The following SMC2 variants were observed in gnomAD, a reference collection of about 807,000 sequenced individuals.
The protein encoded by SMC2 is structural maintenance of chromosomes protein 2.
A neutral mutation model predicts 142.6 loss-of-function variants in SMC2; 41 were observed. The observed-to-expected ratio is 0.29, with a 90% CI of 0.22 to 0.37. The LOEUF is 0.37. Among genes scored for constraint, SMC2 ranks in the 10% least tolerant of loss-of-function variants. SMC2 has a pLI of 1.00. For missense variants in SMC2, 1,265 were observed against 1,373.7 expected (o/e 0.92, Z 1.25); for synonymous variants, 463 against 457.5 (o/e 1.01, Z -0.15).
In SMC2 at chr9:104,095,403, A is replaced by T; in HGVS notation, c.19A>T (p.Ile7Phe). Residue 7 changes from isoleucine (I) to phenylalanine (F), a missense_variant, in exon 2 of 25, where the codon ATT becomes TTT. Transcript: ENST00000374793. Reference protein sequence around the residue: MHIKSIILEGFKSYAQR... With the variant: MHIKSIFLEGFKSYAQR... ...ATCGAAAATGCATATTAAGTCAATT[A>T]TTCTAGAGGGATTCAAGTCCTATGC... 2 of 1,613,336 alleles carry T rather than the reference A, an allele frequency of 1.2e-6. No individual in the cohort carries two copies. Among genetic ancestry groups the T allele is most frequent in the Non-Finnish European group, 1.7e-6 (2 of 1,179,984 alleles).
intron 21 of SMC2, 83 bp from the exon 22 acceptor site, chr9:104,131,926 G>A: frequency 1.4e-6 from 1 of 725,820 alleles, no homozygotes; most frequent in Non-Finnish European, 2.4e-6. Context: ...TAAAAATAAT[G>A]AAAACTGTTT....
At chr9:104,114,370 T>TA (rs1360032042) in intron 12 of SMC2, among the ~76,000 whole-genome samples, 1 of 152,188 alleles carries the variant, frequency 6.6e-6, no homozygotes, top group Non-Finnish European at 1.5e-5. Flanking sequence ...TAATGTTAAA[T>TA]ATCCACATTT....
chr9:104,093,962 A>T (rs4742902), upstream of SMC2, among the ~76,000 whole-genome samples: 3 of 152,128 alleles, frequency 2.0e-5, no homozygotes, highest in African/African-American at 4.8e-5. Context: ...AGTAAGCCAC[A>T]GCCAGCACCG....
chr9:104,091,403 T>TTTTC (rs3086492), upstream of SMC2, among the ~76,000 whole-genome samples: 128,901 of 151,868 alleles, frequency 0.85, 54,789 homozygotes, highest in East Asian at 0.95. Context: ...CAACAGGAAT[T>TTTTC]ATCCATTATA....
chr9:104,126,835 G>T lies in SMC2; in HGVS notation c.2595+51G>T, dbSNP rs6479219. ...AAATTGAAAATGCGAATCTTTTTAT[G>T]AAACATTAGCTTAAGATGTTTGACT... On this transcript the variant is annotated intron_variant, in intron 19 of 24. Transcript: ENST00000374793. The T allele has an allele frequency of 0.016, 24,881 of 1,510,498 alleles. 1,249 individuals are homozygous for T. The African/African-American group carries it at 0.18, about 11-fold the overall frequency. The allele number at this position is 1,510,498 out of a possible 1,614,324, so 93.6% of individuals were successfully genotyped here.
At chr9:104,096,373 AAAC>A in intron 3 of SMC2, 76 bp downstream of exon 3, 2 of 1,421,290 alleles carry the variant, frequency 1.4e-6, no homozygotes, top group Non-Finnish European at 1.9e-6. Context: ...TGCCTTTGCA[AAAC>A]GTGCTAGAGA....
chr9:104,092,800 T>C (rs1226608682), upstream of SMC2: 1 of 152,228 alleles, frequency 6.6e-6, no homozygotes, highest in Non-Finnish European at 1.5e-5. Flanking sequence ...TGCATTGCCA[T>C]TCCAGGGCCA....
intron 12 of SMC2, 103 bp downstream of exon 12, chr9:104,114,184 G>A: frequency 1.7e-6 from 1 of 605,214 alleles, no homozygotes; most frequent in South Asian, 2.5e-5. Flanking sequence ...ATTTTTGTAT[G>A]AAACTTGTTG....
chr9:104,118,442 C>T, intron 15 of SMC2, 67 bp downstream of exon 15: 5 of 1,336,778 alleles, frequency 3.7e-6, no homozygotes, highest in Non-Finnish European at 5.2e-6. Context: ...TTTTTAAGTA[C>T]ATTTTTAGCC....
chr9:104,134,423 G>A lies in SMC2; in HGVS notation c.3117G>A (p.Lys1039=). ...TTATTTTTTAAATCCAGGTGAACAAGGACTTTGGGTCTATTTTTTCTACTC... is the reference window on the plus strand; with the variant it reads ...TTATTTTTTAAATCCAGGTGAACAAAGACTTTGGGTCTATTTTTTCTACTC... ...ALNIAWQKVN[K]DFGSIFSTLL... The change falls in exon 23 of 25, where the codon AAG becomes AAA. Residue 1039 remains lysine, a synonymous_variant. Transcript: ENST00000374793. 6 of 1,573,834 alleles carry A rather than the reference G, an allele frequency of 3.8e-6. No homozygotes were observed. The highest frequency in any genetic ancestry group is 5.1e-6 in the Non-Finnish European group (6 of 1,165,564).
At chr9:104,096,609 C>A (rs1830469102) in intron 3 of SMC2, among the ~76,000 whole-genome samples, 1 of 152,206 alleles carries the variant, frequency 6.6e-6, no homozygotes, top group Admixed American at 6.5e-5. Context: ...TTTCAATCTT[C>A]TGAGATAACC....
At position 104,122,723 on chromosome 9, in the gene SMC2, AAT is replaced by A. The variant is rs1184674665; in HGVS notation, c.2133-383_2133-382del. Reference sequence around the variant, plus strand: ...TTAACATTTGAAAATGAGGTTAATAAATAGATAACTACATTTTTGAAATTTTA... The same window carrying A: ...TTAACATTTGAAAATGAGGTTAATAAAGATAACTACATTTTTGAAATTTTA... On this transcript the variant is annotated intron_variant, in intron 16 of 24. Coordinates refer to ENST00000374793, the MANE Select transcript of SMC2 (RefSeq NM_006444.3). Among the ~76,000 whole-genome samples the A allele has an allele frequency of 7.2e-5, 11 of 152,216 alleles. No homozygotes were observed. The East Asian group carries it at 2.1e-3, about 29-fold the overall frequency.
At chr9:104,133,635 A>G (rs1342820359) in intron 22 of SMC2, among the ~76,000 whole-genome samples, 1 of 152,186 alleles carries the variant, frequency 6.6e-6, no homozygotes, top group Non-Finnish European at 1.5e-5. Flanking sequence ...CTTTGAAGAC[A>G]GATGGCCAAA....
chr9:104,139,045 A>G (rs1835841870), intron 24 of SMC2, 94 bp from the exon 25 acceptor site: 1 of 727,282 alleles, frequency 1.4e-6, no homozygotes, highest in South Asian at 3.1e-5. Context: ...AAGAAATAAA[A>G]TTATCTCCAA....
At chr9:104,110,526 G>T (rs948307356) in intron 9 of SMC2, among the ~76,000 whole-genome samples, 10 of 152,070 alleles carry the variant, frequency 6.6e-5, no homozygotes. Flanking sequence ...AAGTTTTTGG[G>T]GGAATCAAAA....
At chr9:104,126,314 T>C (rs543294070) in intron 18 of SMC2, among the ~76,000 whole-genome samples, 1 of 152,312 alleles carries the variant, frequency 6.6e-6, no homozygotes, top group Admixed American at 6.5e-5. Flanking sequence ...CATTGAACAA[T>C]TTTGTTTTTA....
At chr9:104,101,922 A>C (rs753897671) in intron 7 of SMC2, 38 bp from the exon 8 acceptor site, 1 of 1,301,480 alleles carries the variant, frequency 7.7e-7, no homozygotes, top group East Asian at 2.3e-5. Context: ...TTTTTAATAC[A>C]ATTTTGAGTT....
chr9:104,126,898 A>G (rs1834358861), intron 19 of SMC2, 114 bp downstream of exon 19: 2 of 1,054,258 alleles, frequency 1.9e-6, no homozygotes, highest in Non-Finnish European at 2.7e-6. Flanking sequence ...ATCATGAGAG[A>G]ATGAGGCACA....
In SMC2 at chr9:104,123,656, G is replaced by A. The variant is rs571075266; in HGVS notation, c.2257+424G>A. Among the ~76,000 whole-genome samples the A allele has an allele frequency of 5.9e-5, 9 of 152,196 alleles. No homozygotes were observed. In the East Asian group the frequency reaches 1.7e-3, roughly 29 times the overall value. On this transcript the variant is annotated intron_variant, in intron 17 of 24. Transcript: ENST00000374793. The stretch of plus-strand genomic sequence containing the variant: ...TTTTCTGTTTATTTCTTTTGCCCAT[G>A]GGTTGCTCATGGTTTTTTTCCCACT...
Sources: gnomAD v4.1 joint callset for allele counts (sites outside exome capture counted in the v4.1 genomes callset) on GRCh38, gnomAD v4.1.1 for gene constraint, MANE v1.5 for transcripts, NCBI Gene and HGNC (gene_info 2026-07-23, HGNC 2026-07-21) for gene names.